The following ALKBH8 variants were observed in gnomAD, a reference collection of about 807,000 sequenced individuals.
ALKBH8 encodes tRNA (carboxymethyluridine(34)-5-O)-methyltransferase ALKBH8.
A neutral mutation model predicts 59.8 loss-of-function variants in ALKBH8; 36 were observed. The observed-to-expected ratio is 0.60, with a 90% CI of 0.46 to 0.79. ALKBH8 has a LOEUF of 0.79. Among genes scored for constraint, ALKBH8 ranks in the 30% least tolerant of loss-of-function variants. The pLI, the probability that ALKBH8 is intolerant of heterozygous loss-of-function variation, is 0.00. For synonymous variants in ALKBH8, 276 were observed against 273.6 expected, an observed-to-expected ratio of 1.01 and a Z score of -0.09; for missense variants, 768 against 801.0, an observed-to-expected ratio of 0.96 and a Z score of 0.50.
intron 7 of ALKBH8, among the ~76,000 whole-genome samples, chr11:107,539,926 A>G (rs1271773439): frequency 6.6e-6 from 1 of 152,208 alleles, no homozygotes; most frequent in Non-Finnish European, 1.5e-5. Flanking sequence ...TTCATAAAGT[A>G]CAAGCCTCAA....
intron 2 of ALKBH8, among the ~76,000 whole-genome samples, chr11:107,558,179 A>G (rs1427428746): frequency 6.6e-6 from 1 of 152,216 alleles, no homozygotes; most frequent in Non-Finnish European, 1.5e-5. Flanking sequence ...TACATTGTGT[A>G]TTGGTTTATT....
chr11:107,525,235 G>C (rs1284533183), intron 9 of ALKBH8, among the ~76,000 whole-genome samples: 1 of 152,130 alleles, frequency 6.6e-6, no homozygotes, highest in African/African-American at 2.4e-5. Flanking sequence ...AAATAAAGAT[G>C]AGAAGATGCA....
chr11:107,535,580 C>T (rs546606246), intron 7 of ALKBH8, among the ~76,000 whole-genome samples: 1 of 152,166 alleles, frequency 6.6e-6, no homozygotes, highest in African/African-American at 2.4e-5. Flanking sequence ...TATTCATGTC[C>T]TTAGCCCATT....
rs538029761 is a variant in ALKBH8, at chr11:107,503,860, A to G, written c.*798T>C. 5.9e-5 allele frequency: 9 copies of G among 152,368 alleles called. No individual in the cohort carries two copies. In the South Asian group the frequency reaches 1.9e-3, roughly 32 times the overall value. The allele number at this position is 152,368 out of a possible 1,614,324, so 9.4% of individuals were successfully genotyped here. A position where few individuals can be genotyped will look rare whatever the true frequency, so the allele number is the denominator to read the frequency against. ...TGATAATAAATTAGTCAGGATTAGT[A>G]GTTATTTCAGTCACTTAAAAGTAAT... On this transcript the variant is annotated 3_prime_UTR_variant, in exon 12 of 12. Transcript: ENST00000428149.
rs752605780 is a variant in ALKBH8 at position 107,554,012 on chromosome 11, A to G, written c.368-34T>C. 4 of 1,610,534 alleles carry G rather than the reference A, an allele frequency of 2.5e-6. No homozygotes were observed. The East Asian group carries it at 6.7e-5, about 27-fold the overall frequency. Reference sequence around the variant, plus strand: ...AACCAAATTAAAATAGTCACATGCAAAACTTAAAGTTCCTATATACAAATA... The same window carrying G: ...AACCAAATTAAAATAGTCACATGCAGAACTTAAAGTTCCTATATACAAATA... On this transcript the variant is annotated intron_variant, in intron 3 of 11. Coordinates refer to ENST00000428149, the MANE Select transcript of ALKBH8 (RefSeq NM_138775.3).
intron 11 of ALKBH8, among the ~76,000 whole-genome samples, chr11:107,505,825 C>G (rs985241656): frequency 6.6e-6 from 1 of 152,176 alleles, no homozygotes; most frequent in African/African-American, 2.4e-5. Context: ...TGTGGGACAA[C>G]AGAATATGAG....
chr11:107,529,921 C>G (rs959738837), intron 8 of ALKBH8, among the ~76,000 whole-genome samples: 2 of 152,090 alleles, frequency 1.3e-5, no homozygotes, highest in Non-Finnish European at 2.9e-5. Flanking sequence ...AGCCTTAGAT[C>G]AGGGAGTAAC....
rs1565316181 is a variant in ALKBH8, at chr11:107,515,698, A to G, written c.1288-4662T>C. Among the ~76,000 whole-genome samples, 3 of 152,172 alleles carry G rather than the reference A, an allele frequency of 2.0e-5. No homozygotes were observed. In the South Asian group the frequency reaches 6.2e-4, roughly 31 times the overall value. On this transcript the variant is annotated intron_variant, in intron 10 of 11. Transcript: ENST00000428149. ...TTTTAAAAACCTCAACAAATATTAA[A>G]TATGTAATTGTGGAAGTACAAGTAA... is the stretch of plus-strand genomic sequence containing the variant.
chr11:107,511,922 A>G (rs552312710), intron 10 of ALKBH8, among the ~76,000 whole-genome samples: 2 of 152,218 alleles, frequency 1.3e-5, no homozygotes, highest in South Asian at 4.1e-4. Flanking sequence ...GCTAAATGTC[A>G]AAACTTATCA....
At chr11:107,528,356 T>C (rs1335019885) in intron 8 of ALKBH8, among the ~76,000 whole-genome samples, 1 of 151,136 alleles carries the variant, frequency 6.6e-6, no homozygotes, top group Non-Finnish European at 1.5e-5. Context: ...TTTATTATTA[T>C]GATTATTATA....
chr11:107,546,871 G>A (rs1205711696), intron 7 of ALKBH8, among the ~76,000 whole-genome samples: 2 of 151,948 alleles, frequency 1.3e-5, no homozygotes, highest in African/African-American at 4.8e-5. Context: ...GCTTTAAAAA[G>A]AATATGCTCC....
chr11:107,515,661 C>A (rs1197875660), intron 10 of ALKBH8, among the ~76,000 whole-genome samples: 1 of 152,062 alleles, frequency 6.6e-6, no homozygotes, highest in Non-Finnish European at 1.5e-5. Flanking sequence ...CCAGCCTATA[C>A]TTTTATATAA....
At chr11:107,537,586 G>C (rs951999830) in intron 7 of ALKBH8, among the ~76,000 whole-genome samples, 4 of 152,092 alleles carry the variant, frequency 2.6e-5, no homozygotes, top group African/African-American at 9.7e-5. Flanking sequence ...AGAGCATCAG[G>C]AAGAATAGCT....
At chr11:107,548,369 T>A (rs749624039) in intron 7 of ALKBH8, among the ~76,000 whole-genome samples, 1 of 152,230 alleles carries the variant, frequency 6.6e-6, no homozygotes, top group Admixed American at 6.5e-5. Context: ...TGTTCTGCCA[T>A]CAGTTTTCTC....
intron 8 of ALKBH8, among the ~76,000 whole-genome samples, chr11:107,526,553 A>G (rs548341629): frequency 1.1e-4 from 16 of 152,076 alleles, no homozygotes; most frequent in Admixed American, 9.8e-4. Flanking sequence ...TCTCAATGGT[A>G]TCTTTAGATG....
At chr11:107,519,030 C>T (rs1331541488) in intron 10 of ALKBH8, among the ~76,000 whole-genome samples, 1 of 152,190 alleles carries the variant, frequency 6.6e-6, no homozygotes, top group African/African-American at 2.4e-5. Context: ...GTCTTGAACT[C>T]CTGGCCTCAA....
intron 7 of ALKBH8, among the ~76,000 whole-genome samples, chr11:107,538,645 G>A (rs1320109750): frequency 6.6e-6 from 1 of 152,110 alleles, no homozygotes; most frequent in Non-Finnish European, 1.5e-5. Flanking sequence ...CAAAATACAA[G>A]AGAACAAAAA....
At chr11:107,558,826 TAA>T (rs1864818438) in intron 2 of ALKBH8, among the ~76,000 whole-genome samples, 1 of 152,244 alleles carries the variant, frequency 6.6e-6, no homozygotes, top group South Asian at 2.1e-4. Flanking sequence ...GAATTTTTTT[TAA>T]GTTATCTTTG....
chr11:107,504,649 G>C lies in ALKBH8; in HGVS notation c.*9C>G, dbSNP rs1279923706. On this transcript the variant is annotated 3_prime_UTR_variant, in exon 12 of 12. Coordinates refer to ENST00000428149, the MANE Select transcript of ALKBH8 (RefSeq NM_138775.3). ...TTCTTCTTTATATATGATGTGTTCA[G>C]GTAAATAATCAGGCCTTTTGAAGAA... The C allele has an allele frequency of 6.5e-7, 1 of 1,543,986 alleles. No homozygotes were observed. The highest frequency in any genetic ancestry group is 2.4e-5 in the East Asian group (1 of 40,900).
Sources: allele counts gnomAD v4.1 joint callset (sites outside exome capture counted in the v4.1 genomes callset), GRCh38; gene constraint gnomAD v4.1.1; transcripts MANE v1.5; gene names NCBI Gene and HGNC (gene_info 2026-07-23, HGNC 2026-07-21).